SPACA6: variants seen among roughly 807,000 people sequenced by gnomAD.
SPACA6 encodes the protein sperm acrosome membrane-associated protein 6.
For synonymous variants in SPACA6, 6 were observed against 1.5 expected (o/e 4.05, Z -2.21); for missense variants, 8 against 2.8 (o/e 2.88, Z -1.34).
In SPACA6 at chr19:51,702,085, A is replaced by AC. The variant is rs111674060; in HGVS notation, c.361+365dup. Reference sequence around the variant, plus strand: ...TCTCAAAACGAAACCCACTCCTGAGACCCCCCATCCACTCCCCGTACAATC... The same window carrying AC: ...TCTCAAAACGAAACCCACTCCTGAGACCCCCCCATCCACTCCCCGTACAATC... On this transcript the variant is annotated intron_variant, in intron 3 of 8. Transcript: ENST00000637797. Among the ~76,000 whole-genome samples, 480 of 150,924 alleles carry AC rather than the reference A, an allele frequency of 3.2e-3. 1 individual carries two copies. Among genetic ancestry groups the AC allele is most frequent in the African/African-American group, 0.011 (456 of 41,074 alleles).
intron 2 of SPACA6, among the ~76,000 whole-genome samples, chr19:51,710,620 G>A (rs1012170518): frequency 6.6e-6 from 1 of 152,208 alleles, no homozygotes; most frequent in African/African-American, 2.4e-5. Flanking sequence ...AGTCTGGTCT[G>A]AAGATCTGTT....
rs553282557 is a variant in SPACA6 at position 51,705,071 on chromosome 19, T to A, written c.942-19T>A. 1.2e-5 allele frequency: 5 copies of A among 401,218 alleles called. No individual in the cohort carries two copies. Among genetic ancestry groups the A allele is most frequent in the African/African-American group, 1.0e-4 (5 of 48,748 alleles). 24.9% of individuals were successfully genotyped at this position (401,218 alleles called of 1,614,324 possible). On this transcript the variant is annotated intron_variant, in intron 8 of 8. Coordinates refer to ENST00000637797, the MANE Select transcript of SPACA6 (RefSeq NM_001316972.2). ...TCACCAACCCCTCCTGTAACACACA[T>A]ACCTCTTTGTTTCCCCAGGATGTTC... is the stretch of plus-strand genomic sequence containing the variant.
rs928655506 is a variant in SPACA6 at position 51,703,740 on chromosome 19, G to A, written c.574-290G>A. On this transcript the variant is annotated intron_variant, in intron 6 of 8. Transcript: ENST00000637797. This position sits in a 1 kb window ranked among gnomAD's most constrained non-coding sequence, Gnocchi z 4.2. ...TTAAGTCCAGGAGTTTGAGGCTGCA[G>A]TGAGCTATGATCGCGCCACTGCACT... 6.6e-6 allele frequency among the ~76,000 whole-genome samples: 1 copy of A among 152,146 alleles called. No individual in the cohort carries two copies. The highest frequency in any genetic ancestry group is 1.5e-5 in the Non-Finnish European group (1 of 67,998).
chr19:51,691,356 G>C (rs1395960440), upstream of SPACA6, among the ~76,000 whole-genome samples: 2 of 151,500 alleles, frequency 1.3e-5, no homozygotes, highest in South Asian at 2.1e-4. Context: ...GGGAAGGGGC[G>C]GAGGGAGAGG....
chr19:51,693,733 C>G lies in SPACA6; in HGVS notation c.207C>G (p.Thr69=). ...CCGCCTTCCAGGGCCTCTCTGACAC[C>G]GAAATCAGTGAGGAGACCATCCACA... is the stretch of plus-strand genomic sequence containing the variant. ...FTAAFQGLSD[T]EINYDERSHL... is the part of the protein sequence containing the mutation. Residue 69 remains threonine (T), a synonymous_variant, in exon 1 of 9, where the codon ACC becomes ACG. Coordinates refer to ENST00000637797, the MANE Select transcript of SPACA6 (RefSeq NM_001316972.2). The G allele has an allele frequency of 2.5e-6, 1 of 406,620 alleles. No individual in the cohort carries two copies. Among genetic ancestry groups the G allele is most frequent in the Non-Finnish European group, 4.4e-6 (1 of 229,368 alleles). The allele number at this position is 406,620 out of a possible 1,614,324, so 25.2% of individuals were successfully genotyped here.
downstream of SPACA6, among the ~76,000 whole-genome samples, chr19:51,707,687 G>T (rs960786443): frequency 2.0e-5 from 3 of 152,150 alleles, no homozygotes; most frequent in Non-Finnish European, 4.4e-5. Context: ...GCACTACACA[G>T]GTTTTAAGAG....
downstream of SPACA6, among the ~76,000 whole-genome samples, chr19:51,709,614 C>CAAAAAAAA (rs56844884): frequency 1.1e-5 from 1 of 93,176 alleles, no homozygotes; most frequent in East Asian, 2.6e-4. Context: ...GACTCTGTCA[C>CAAAAAAAA]AAAAAAAAAA....
At chr19:51,696,983 G>T (rs2083435242) in intron 2 of SPACA6, among the ~76,000 whole-genome samples, 1 of 152,220 alleles carries the variant, frequency 6.6e-6, no homozygotes, top group African/African-American at 2.4e-5. Context: ...TAGACAGGGG[G>T]TTCTCAAGCC....
intron 2 of SPACA6, among the ~76,000 whole-genome samples, chr19:51,711,495 A>AT (rs1406265683): frequency 6.6e-6 from 1 of 152,246 alleles, no homozygotes; most frequent in Non-Finnish European, 1.5e-5. Flanking sequence ...CCTCAAAAAA[A>AT]TTAAACATAG....
upstream of SPACA6, chr19:51,692,890 G>A (rs777070910): frequency 2.1e-5 from 11 of 532,988 alleles, no homozygotes; most frequent in South Asian, 9.8e-5. The surrounding 1 kb of genome is among the most constrained non-coding windows in gnomAD (Gnocchi z 5.6). Context: ...GACGGGGCCC[G>A]GCGGGGACCC....
chr19:51,694,256 G>A, intron 1 of SPACA6: 1 of 362,434 alleles, frequency 2.8e-6, no homozygotes, highest in Non-Finnish European at 4.9e-6. Flanking sequence ...AGATGAGGCA[G>A]AGACTAGGGG....
intron 1 of SPACA6, 48 bp downstream of exon 1, chr19:51,693,788 G>A (rs2083398526): frequency 7.4e-6 from 3 of 404,012 alleles, no homozygotes; most frequent in African/African-American, 6.1e-5. Context: ...AAGGTGCAGA[G>A]GGAGGGCAGG....
At chr19:51,706,817 A>T (rs1247648721), downstream of SPACA6, among the ~76,000 whole-genome samples, 1 of 151,792 alleles carries the variant, frequency 6.6e-6, no homozygotes, top group Non-Finnish European at 1.5e-5. Flanking sequence ...GCGCCACCAC[A>T]CCTGGCTAAT....
Position 51,704,258 on chromosome 19 carries a change from GCGCCCCCGCAGTGACGGGCC to G in SPACA6, c.731-2_748del. 2.5e-6 allele frequency: 1 copy of G among 400,740 alleles called. No homozygotes were observed. Among genetic ancestry groups the G allele is most frequent in the Non-Finnish European group, 4.4e-6 (1 of 225,970 alleles). 24.8% of individuals were successfully genotyped at this position (400,740 alleles called of 1,614,324 possible). A position where few individuals can be genotyped will look rare whatever the true frequency, so the allele number is the denominator to read the frequency against. ...TGGGGCTCGTGCCTGGCTGACGTGCGCGCCCCCGCAGTGACGGGCCCGCCCCCGCGGGCGGAGACAGAGTT... is the reference window on the plus strand; with the variant it reads ...TGGGGCTCGTGCCTGGCTGACGTGCGCGCCCCCGCGGGCGGAGACAGAGTT... On this transcript the variant is annotated splice_acceptor_variant and splice_polypyrimidine_tract_variant and coding_sequence_variant and intron_variant, in exon 8 of 9. Coordinates refer to ENST00000637797, the MANE Select transcript of SPACA6 (RefSeq NM_001316972.2). LOFTEE classifies it high-confidence loss of function.
chr19:51,709,297 C>T (rs980468067), downstream of SPACA6, among the ~76,000 whole-genome samples: 2 of 150,982 alleles, frequency 1.3e-5, no homozygotes, highest in Non-Finnish European at 2.9e-5. Context: ...GCAGGCAGAT[C>T]ACCTGAGGTC....
chr19:51,703,064 C>T lies in SPACA6; in HGVS notation c.429C>T (p.Tyr143=), dbSNP rs2122222476. ...FARRFLCSGC[Y]SRVCDLPLDC... is the part of the protein sequence containing the mutation. ...GGCGTTTCCTCTGCAGCGGGTGCTACTCTAGGGTCTGCGACCTCCCGCTGG... is the reference window on the plus strand; with the variant it reads ...GGCGTTTCCTCTGCAGCGGGTGCTATTCTAGGGTCTGCGACCTCCCGCTGG... The change falls in exon 5 of 9, where the codon TAC becomes TAT. Residue 143 remains tyrosine (Y), a synonymous_variant. Transcript: ENST00000637797. This position sits in a 1 kb window ranked among gnomAD's most constrained non-coding sequence, Gnocchi z 4.2. 2.5e-6 allele frequency: 1 copy of T among 399,334 alleles called. No individual in the cohort carries two copies. 24.7% of individuals were successfully genotyped at this position (399,334 alleles called of 1,614,324 possible).
downstream of SPACA6, among the ~76,000 whole-genome samples, chr19:51,709,996 G>A (rs1400719441): frequency 1.3e-5 from 2 of 152,220 alleles, no homozygotes; most frequent in South Asian, 2.1e-4. Context: ...CCAGCCACGT[G>A]TGGCCGTGAA....
chr19:51,685,194 C>T (rs2083323165), upstream of SPACA6, among the ~76,000 whole-genome samples: 1 of 152,180 alleles, frequency 6.6e-6, no homozygotes, highest in Admixed American at 6.5e-5. Context: ...CTTTGAAGTG[C>T]TGTTCCAAGA....
rs2083393183 is a variant in SPACA6 at position 51,693,442 on chromosome 19, T to A, written c.-85T>A. On this transcript the variant is annotated 5_prime_UTR_variant, in exon 1 of 9. The change abolishes the stop of an existing upstream ORF in the 5' untranslated region. Coordinates refer to ENST00000637797, the MANE Select transcript of SPACA6 (RefSeq NM_001316972.2). ...TGACCACCAACTGAAACCTGACCTC[T>A]GACCCCAGACCACTGGCCCTTCCCC... is the stretch of plus-strand genomic sequence containing the variant. The A allele has an allele frequency of 5.0e-6, 3 of 602,536 alleles. No individual in the cohort carries two copies. Among genetic ancestry groups the A allele is most frequent in the African/African-American group, 1.8e-5 (1 of 55,664 alleles). The allele number at this position is 602,536 out of a possible 1,614,324, so 37.3% of individuals were successfully genotyped here. A position where few individuals can be genotyped will look rare whatever the true frequency, so the allele number is the denominator to read the frequency against.
Sources: gnomAD v4.1 joint callset for allele counts (sites outside exome capture counted in the v4.1 genomes callset) on GRCh38, gnomAD v4.1.1 for gene constraint, Gnocchi (gnomAD v3.1) non-coding constraint, MANE v1.5 for transcripts, NCBI Gene and HGNC (gene_info 2026-07-23, HGNC 2026-07-21) for gene names.